Variants in SORCS1 observed in about 807,000 individuals in gnomAD.
The protein encoded by SORCS1 is VPS10 domain-containing receptor SorCS1.
A neutral mutation model predicts 146.1 loss-of-function variants in SORCS1; 60 were observed. The ratio of observed to expected loss-of-function variants is 0.41; its 90% CI spans 0.33 to 0.51. The LOEUF (loss-of-function observed/expected upper bound fraction) is 0.51, where lower values mean the gene tolerates loss of function less well. SORCS1 is among the 20% of genes least tolerant of loss of function. SORCS1 has a pLI of 0.21. For missense variants in SORCS1, 1,352 were observed against 1,487.6 expected, an observed-to-expected ratio of 0.91 and a Z score of 1.50; for synonymous variants, 637 against 584.0, an observed-to-expected ratio of 1.09 and a Z score of -1.31.
In SORCS1 at chr10:106,595,386, T is replaced by A. The variant is rs1845846719; in HGVS notation, c.3265+1965A>T. 4.6e-5 allele frequency among the ~76,000 whole-genome samples: 7 copies of A among 152,232 alleles called. No homozygotes were observed. In the South Asian group the frequency reaches 1.5e-3, roughly 32 times the overall value. On this transcript the variant is annotated intron_variant, in intron 24 of 25. Transcript: ENST00000263054. ...CAATCCTCCTTGCTCCTTACACTCATCTTTTTCAAGGAATGCTCTGAATCA... is the reference window on the plus strand; with the variant it reads ...CAATCCTCCTTGCTCCTTACACTCAACTTTTTCAAGGAATGCTCTGAATCA...
intron 7 of SORCS1, 57 bp downstream of exon 7, chr10:106,709,166 C>G: frequency 7.2e-7 from 1 of 1,382,630 alleles, no homozygotes. Flanking sequence ...GCAAAAGGGA[C>G]AGAAACAAGG....
intron 3 of SORCS1, among the ~76,000 whole-genome samples, chr10:106,805,885 C>T (rs1284827021): frequency 2.0e-5 from 3 of 149,654 alleles, no homozygotes; most frequent in African/African-American, 4.9e-5. Flanking sequence ...GGTGAAACCC[C>T]GTCTCTACTA....
At chr10:106,805,781 G>A (rs543353037) in intron 3 of SORCS1, among the ~76,000 whole-genome samples, 13 of 152,094 alleles carry the variant, frequency 8.5e-5, no homozygotes, top group Admixed American at 2.0e-4. Flanking sequence ...AAAATCAGCC[G>A]GGCGTGGTGG....
At chr10:106,793,606 T>C (rs1256980394) in intron 3 of SORCS1, among the ~76,000 whole-genome samples, 1 of 152,114 alleles carries the variant, frequency 6.6e-6, no homozygotes, top group African/African-American at 2.4e-5. Flanking sequence ...GGTTATTACA[T>C]TGGTTCAGCT....
chr10:106,982,058 A>G (rs1270719283), intron 1 of SORCS1, among the ~76,000 whole-genome samples: 1 of 152,234 alleles, frequency 6.6e-6, no homozygotes, highest in Non-Finnish European at 1.5e-5. Flanking sequence ...GCCGAGGCAC[A>G]GTAATTATTT....
At chr10:106,679,588 T>C in intron 11 of SORCS1, 44 bp downstream of exon 11, 1 of 1,483,858 alleles carries the variant, frequency 6.7e-7, no homozygotes, top group Non-Finnish European at 9.3e-7. Flanking sequence ...CTTCTTAAAA[T>C]AAACACTATT....
At chr10:107,009,051 G>C (rs1957578206) in intron 1 of SORCS1, among the ~76,000 whole-genome samples, 1 of 152,132 alleles carries the variant, frequency 6.6e-6, no homozygotes. Flanking sequence ...TGTTTGCTTT[G>C]GTAAGTTCTG....
intron 1 of SORCS1, among the ~76,000 whole-genome samples, chr10:107,032,506 A>T: frequency 6.6e-6 from 1 of 152,138 alleles, no homozygotes; most frequent in South Asian, 2.1e-4. Context: ...TTAGTTACAG[A>T]AACAGCTGCT....
intron 5 of SORCS1, among the ~76,000 whole-genome samples, chr10:106,734,091 G>C (rs1856790556): frequency 6.6e-6 from 1 of 151,960 alleles, no homozygotes; most frequent in African/African-American, 2.4e-5. Context: ...GAACCTCTCT[G>C]TAAATATATG....
At chr10:106,784,126 T>C (rs933937778) in intron 3 of SORCS1, among the ~76,000 whole-genome samples, 4 of 152,192 alleles carry the variant, frequency 2.6e-5, no homozygotes, top group African/African-American at 9.6e-5. Context: ...CCGGGTGCAG[T>C]GGCTCACGCC....
intron 2 of SORCS1, among the ~76,000 whole-genome samples, chr10:106,946,636 C>G (rs1442001648): frequency 6.6e-6 from 1 of 152,198 alleles, no homozygotes; most frequent in African/African-American, 2.4e-5. Flanking sequence ...TATAAATTAC[C>G]CAGTATCAGG....
rs1312512213 is a variant in SORCS1, at chr10:107,060,609, CA to C, written c.558+103359del. On this transcript the variant is annotated intron_variant, in intron 1 of 25. Transcript: ENST00000263054. This position sits in a 1 kb window ranked among gnomAD's most constrained non-coding sequence, Gnocchi z 4.1. ...TCTGTGCTCAGGAAAAGGAGCTGCC[CA>C]ATCTATATCTTTGCCAACAACCCTT... is the stretch of plus-strand genomic sequence containing the variant. Among the ~76,000 whole-genome samples, 1 of 152,110 alleles carries C rather than the reference CA, an allele frequency of 6.6e-6. No individual in the cohort carries two copies. Among genetic ancestry groups the C allele is most frequent in the African/African-American group, 2.4e-5 (1 of 41,410 alleles).
At chr10:106,752,778 G>A (rs1858354326) in intron 5 of SORCS1, among the ~76,000 whole-genome samples, 1 of 152,100 alleles carries the variant, frequency 6.6e-6, no homozygotes, top group Non-Finnish European at 1.5e-5. Flanking sequence ...AAGGAGAATG[G>A]GGGAGGAAGT....
intron 6 of SORCS1, among the ~76,000 whole-genome samples, chr10:106,722,487 T>C (rs1855855450): frequency 6.6e-6 from 1 of 152,226 alleles, no homozygotes; most frequent in African/African-American, 2.4e-5. Context: ...CTTTTATTTC[T>C]GCTTGTTAAA....
At chr10:106,782,479 G>C (rs761718047) in intron 3 of SORCS1, among the ~76,000 whole-genome samples, 3 of 152,066 alleles carry the variant, frequency 2.0e-5, no homozygotes, top group Non-Finnish European at 2.9e-5. Flanking sequence ...TGTGTTAATT[G>C]CCTTGTCAGG....
At chr10:106,921,469 C>T (rs567272193) in intron 2 of SORCS1, among the ~76,000 whole-genome samples, 1 of 152,190 alleles carries the variant, frequency 6.6e-6, no homozygotes, top group Non-Finnish European at 1.5e-5. Flanking sequence ...CTCACTTTCT[C>T]CTCTCTTAAT....
In SORCS1 at chr10:106,573,808, A is replaced by T. The variant is rs1844470648; in HGVS notation, c.*3612T>A. ...CTGTGGTGTTTACTCTTTCTTATGC[A>T]ATTAGCCTTTATGAAATCCTATACA... On this transcript the variant is annotated 3_prime_UTR_variant, in exon 26 of 26. Transcript: ENST00000263054. The T allele has an allele frequency of 6.6e-6, 1 of 152,482 alleles. No homozygotes were observed. The highest frequency in any genetic ancestry group is 2.4e-5 in the African/African-American group (1 of 41,440). 9.4% of individuals were successfully genotyped at this position (152,482 alleles called of 1,614,324 possible). A position where few individuals can be genotyped will look rare whatever the true frequency, so the allele number is the denominator to read the frequency against.
intron 1 of SORCS1, among the ~76,000 whole-genome samples, chr10:106,992,703 C>G (rs1299408569): frequency 6.6e-6 from 1 of 151,920 alleles, no homozygotes; most frequent in Non-Finnish European, 1.5e-5. Context: ...TGCTATGATG[C>G]CCAGGTTGGT....
chr10:107,105,220 G>A (rs1965224812), intron 1 of SORCS1, among the ~76,000 whole-genome samples: 1 of 152,060 alleles, frequency 6.6e-6, no homozygotes, highest in African/African-American at 2.4e-5. Flanking sequence ...CTGTCTGGAG[G>A]GTCAGGAGAG....
Sources: gnomAD v4.1 joint callset for allele counts (sites outside exome capture counted in the v4.1 genomes callset) on GRCh38, gnomAD v4.1.1 for gene constraint, Gnocchi (gnomAD v3.1) non-coding constraint, MANE v1.5 for transcripts, NCBI Gene and HGNC (gene_info 2026-07-23, HGNC 2026-07-21) for gene names.